PCDHGA12: variants seen among roughly 807,000 people sequenced by gnomAD.
The protein encoded by PCDHGA12 is protocadherin gamma-A12.
PCDHGA12 carries 43 observed loss-of-function variants against 61.1 expected under a neutral mutation model. The observed-to-expected ratio is 0.70, with a 90% CI of 0.55 to 0.91. PCDHGA12 has a LOEUF of 0.91. Among genes scored for constraint, PCDHGA12 ranks in the 40% least tolerant of loss-of-function variants. The pLI, the probability that PCDHGA12 is intolerant of heterozygous loss-of-function variation, is 0.00. For missense variants in PCDHGA12, 1,236 were observed against 1,227.7 expected, an observed-to-expected ratio of 1.01 and a Z score of -0.10; for synonymous variants, 520 against 542.9, an observed-to-expected ratio of 0.96 and a Z score of 0.59.
chr5:141,446,800 G>C (rs1332771959), intron 1 of PCDHGA12, among the ~76,000 whole-genome samples: 1 of 152,150 alleles, frequency 6.6e-6, no homozygotes, highest in African/African-American at 2.4e-5. Flanking sequence ...TTCTTCCATT[G>C]TGATCATCTA....
chr5:141,456,641 G>A (rs2098873674), intron 1 of PCDHGA12, among the ~76,000 whole-genome samples: 1 of 152,160 alleles, frequency 6.6e-6, no homozygotes, highest in South Asian at 2.1e-4. Context: ...TACTACAGGT[G>A]TTAATCCCAA....
intron 1 of PCDHGA12, among the ~76,000 whole-genome samples, chr5:141,494,547 C>T (rs2099755185): frequency 6.6e-6 from 1 of 152,106 alleles, no homozygotes; most frequent in East Asian, 1.9e-4. Context: ...GAGGAAGGGG[C>T]CATTTCTTTA....
At chr5:141,482,457 C>T (rs1279922250) in intron 1 of PCDHGA12, among the ~76,000 whole-genome samples, 3 of 147,484 alleles carry the variant, frequency 2.0e-5, no homozygotes, top group Non-Finnish European at 3.0e-5. Context: ...TATTAGCATC[C>T]CTATGTGCCA....
intron 1 of PCDHGA12, among the ~76,000 whole-genome samples, chr5:141,479,060 T>G (rs980468382): frequency 5.9e-5 from 9 of 152,248 alleles, no homozygotes; most frequent in Non-Finnish European, 1.3e-4. Context: ...CAGATAATTT[T>G]TTATGAATGA....
chr5:141,476,661 T>G lies in PCDHGA12; in HGVS notation c.2425-18146T>G. 1.2e-6 allele frequency: 2 copies of G among 1,614,076 alleles called. No individual in the cohort carries two copies. The highest frequency in any genetic ancestry group is 1.7e-6 in the Non-Finnish European group (2 of 1,179,938). On this transcript the variant is annotated intron_variant, in intron 1 of 3. Coordinates refer to ENST00000252085, the MANE Select transcript of PCDHGA12 (RefSeq NM_003735.3). The surrounding 1 kb of genome is among the most constrained non-coding windows in gnomAD (Gnocchi z 7.6). Reference sequence around the variant, plus strand: ...CTGAGCCGAAATGAATACTTTGCGCTTCGCGTGCAGACGCGGGAGGACAGC... The same window carrying G: ...CTGAGCCGAAATGAATACTTTGCGCGTCGCGTGCAGACGCGGGAGGACAGC...
In PCDHGA12 at chr5:141,493,521, G is replaced by A. The variant is rs967636266; in HGVS notation, c.2425-1286G>A. Among the ~76,000 whole-genome samples the A allele has an allele frequency of 3.9e-5, 6 of 152,242 alleles. No homozygotes were observed. In the East Asian group the frequency reaches 7.7e-4, roughly 20 times the overall value. The stretch of plus-strand genomic sequence containing the variant: ...CTCATTTCTGAGCAGTCCCCGCAGC[G>A]CAAACTTGGCCAGTTATCCTTTTGG... On this transcript the variant is annotated intron_variant, in intron 1 of 3. Coordinates refer to ENST00000252085, the MANE Select transcript of PCDHGA12 (RefSeq NM_003735.3). This position sits in a 1 kb window ranked among gnomAD's most constrained non-coding sequence, Gnocchi z 4.3.
At chr5:141,488,021 C>A (rs570700985) in intron 1 of PCDHGA12, among the ~76,000 whole-genome samples, 1 of 152,244 alleles carries the variant, frequency 6.6e-6, no homozygotes, top group East Asian at 1.9e-4. Flanking sequence ...TACCTTAACT[C>A]TAGGTTACCA....
intron 1 of PCDHGA12, among the ~76,000 whole-genome samples, chr5:141,467,414 C>A (rs1410743140): frequency 6.6e-5 from 10 of 152,168 alleles, no homozygotes; most frequent in African/African-American, 1.2e-4. Flanking sequence ...CCTTTCCCCA[C>A]ACCTAGGTTA....
rs200491568 is a variant in PCDHGA12, at chr5:141,493,146, G to A, written c.2425-1661G>A. 9.6e-6 allele frequency among the ~76,000 whole-genome samples: 1 copy of A among 104,172 alleles called. No homozygotes were observed. The highest frequency in any genetic ancestry group is 3.1e-5 in the African/African-American group (1 of 32,680). 68.3% of individuals were successfully genotyped at this position (104,172 alleles called of 152,430 possible). A position where few individuals can be genotyped will look rare whatever the true frequency, so the allele number is the denominator to read the frequency against. On this transcript the variant is annotated intron_variant, in intron 1 of 3. Transcript: ENST00000252085. The surrounding 1 kb of genome is among the most constrained non-coding windows in gnomAD (Gnocchi z 4.3). ...AGGACTGTATTTTGAAACACCCCCA[G>A]GTGATTTTGATAGCTGATTGAGAGA... is the stretch of plus-strand genomic sequence containing the variant.
Position 141,485,790 on chromosome 5 carries a change from C to G in PCDHGA12, c.2425-9017C>G. 6.2e-7 allele frequency: 1 copy of G among 1,614,204 alleles called. No homozygotes were observed. The highest frequency in any genetic ancestry group is 8.5e-7 in the Non-Finnish European group (1 of 1,180,032). ...AAGCCTTTGGATCGAGAGAAGCAAT[C>G]GGACTACCGCCTGGTGCTGACTGCT... On this transcript the variant is annotated intron_variant, in intron 1 of 3. Transcript: ENST00000252085. This position sits in a 1 kb window ranked among gnomAD's most constrained non-coding sequence, Gnocchi z 5.7.
chr5:141,476,038 G>A lies in PCDHGA12; in HGVS notation c.2425-18769G>A, dbSNP rs1426234941. 1.3e-6 allele frequency: 2 copies of A among 1,484,842 alleles called. No homozygotes were observed. Among genetic ancestry groups the A allele is most frequent in the Non-Finnish European group, 1.8e-6 (2 of 1,118,086 alleles). 92.0% of individuals were successfully genotyped at this position (1,484,842 alleles called of 1,614,324 possible). The stretch of plus-strand genomic sequence containing the variant: ...GTCGGACTCGGCGCCCAGCGCCCAA[G>A]CGCTAACCCGCTGAAAGTTTCTCAG... On this transcript the variant is annotated intron_variant, in intron 1 of 3. Coordinates refer to ENST00000252085, the MANE Select transcript of PCDHGA12 (RefSeq NM_003735.3). The surrounding 1 kb of genome is among the most constrained non-coding windows in gnomAD (Gnocchi z 7.6).
At chr5:141,459,735 T>A (rs114520602) in intron 1 of PCDHGA12, among the ~76,000 whole-genome samples, 1 of 152,374 alleles carries the variant, frequency 6.6e-6, no homozygotes, top group Non-Finnish European at 1.5e-5. Flanking sequence ...GTCAATTTTT[T>A]AAATTTTAGC....
chr5:141,487,452 T>A lies in PCDHGA12; in HGVS notation c.2425-7355T>A, dbSNP rs778695562. 40 of 1,614,046 alleles carry A rather than the reference T, an allele frequency of 2.5e-5. No homozygotes were observed. The highest frequency in any genetic ancestry group is 3.4e-5 in the Non-Finnish European group (40 of 1,180,004). On this transcript the variant is annotated intron_variant, in intron 1 of 3. Coordinates refer to ENST00000252085, the MANE Select transcript of PCDHGA12 (RefSeq NM_003735.3). This position sits in a 1 kb window ranked among gnomAD's most constrained non-coding sequence, Gnocchi z 5.0. ...ATCCAGCTAGGGTCAGATGACCCTA[T>A]CAAGTTTGTTGATGTGGGAGGCCAC... is the stretch of plus-strand genomic sequence containing the variant.
At position 141,432,480 on chromosome 5, in the gene PCDHGA12, G is replaced by C; in HGVS notation, c.1721G>C (p.Gly574Ala). ...YPALPTDGSTGVELAPRSAEP... is the reference protein window; with the variant it reads ...YPALPTDGSTAVELAPRSAEP... ...GCCCTCCCCACGGACGGTTCCACTGGCGTGGAGCTGGCTCCCCGCTCCGCA... is the reference window on the plus strand; with the variant it reads ...GCCCTCCCCACGGACGGTTCCACTGCCGTGGAGCTGGCTCCCCGCTCCGCA... Residue 574 changes from glycine (G) to alanine (A), a missense_variant, in exon 1 of 4, where the codon GGC (glycine) becomes GCC (alanine). Coordinates refer to ENST00000252085, the MANE Select transcript of PCDHGA12 (RefSeq NM_003735.3). The surrounding 1 kb of genome is among the most constrained non-coding windows in gnomAD (Gnocchi z 6.0). 6 of 1,614,180 alleles carry C rather than the reference G, an allele frequency of 3.7e-6. No homozygotes were observed. Among genetic ancestry groups the C allele is most frequent in the Non-Finnish European group, 5.1e-6 (6 of 1,180,044 alleles).
chr5:141,484,333 A>T (rs1019527273), intron 1 of PCDHGA12, among the ~76,000 whole-genome samples: 2 of 152,198 alleles, frequency 1.3e-5, no homozygotes, highest in Non-Finnish European at 2.9e-5. Flanking sequence ...CCTTGAAATC[A>T]ATGAATGGTA....
At chr5:141,472,980 CAAAA>C (rs60579131) in intron 1 of PCDHGA12, among the ~76,000 whole-genome samples, 3 of 86,106 alleles carry the variant, frequency 3.5e-5, no homozygotes, top group Admixed American at 1.2e-4. Context: ...GAGTGAAACT[CAAAA>C]AAAAAAAAAA....
At position 141,490,148 on chromosome 5, in the gene PCDHGA12, A is replaced by G. The variant is rs2154582223; in HGVS notation, c.2425-4659A>G. The G allele has an allele frequency of 1.2e-6, 2 of 1,614,232 alleles. No homozygotes were observed. The highest frequency in any genetic ancestry group is 4.5e-5 in the East Asian group (2 of 44,888). On this transcript the variant is annotated intron_variant, in intron 1 of 3. Coordinates refer to ENST00000252085, the MANE Select transcript of PCDHGA12 (RefSeq NM_003735.3). The surrounding 1 kb of genome is among the most constrained non-coding windows in gnomAD (Gnocchi z 5.4). The stretch of plus-strand genomic sequence containing the variant: ...CTAGACCCTAGCAGTGGGGCAATCC[A>G]TGTGTTGGGTCCCATAGACTTTGAG...
At chr5:141,446,697 C>T (rs1254994356) in intron 1 of PCDHGA12, among the ~76,000 whole-genome samples, 9 of 152,134 alleles carry the variant, frequency 5.9e-5, no homozygotes, top group Admixed American at 5.9e-4. Context: ...AGGCTGGTCT[C>T]GAACTCTGAT....
intron 1 of PCDHGA12, among the ~76,000 whole-genome samples, chr5:141,481,161 A>G (rs2099532805): frequency 6.6e-6 from 1 of 152,230 alleles, no homozygotes; most frequent in African/African-American, 2.4e-5. Flanking sequence ...GTATTTGCAG[A>G]ACCAGAATCC....
Sources: allele counts gnomAD v4.1 joint callset (sites outside exome capture counted in the v4.1 genomes callset), GRCh38; gene constraint gnomAD v4.1.1; non-coding constraint Gnocchi (gnomAD v3.1); transcripts MANE v1.5; gene names NCBI Gene and HGNC (gene_info 2026-07-23, HGNC 2026-07-21).